Variants in RAI14 observed in about 807,000 individuals in gnomAD.
The protein encoded by RAI14 is retinoic acid induced 14, also known as ankycorbin.
A neutral mutation model predicts 115.4 loss-of-function variants in RAI14; 45 were observed. The observed-to-expected ratio is 0.39, with a 90% CI of 0.31 to 0.50. The LOEUF is 0.50. RAI14 is among the 20% of genes least tolerant of loss of function. The probability of loss-of-function intolerance (pLI) is 0.85; values close to 1 mark genes in which losing one functional copy is unlikely to be tolerated. For synonymous variants in RAI14, 371 were observed against 415.4 expected, an observed-to-expected ratio of 0.89 and a Z score of 1.30; for missense variants, 939 against 1,131.2, an observed-to-expected ratio of 0.83 and a Z score of 2.44.
rs370230131 is a variant in RAI14 at position 34,791,941 on chromosome 5, C to A, written c.168-3998C>A. 1.7e-3 allele frequency among the ~76,000 whole-genome samples: 260 copies of A among 152,312 alleles called. No individual in the cohort carries two copies. The highest frequency in any genetic ancestry group is 6.0e-3 in the African/African-American group (250 of 41,566). ...GTCATTCTCACTGGGCAAGCCCAAC[C>A]AGGAGCCAAAGCACAGGGCAGCCCA... On this transcript the variant is annotated intron_variant, in intron 3 of 17. Transcript: ENST00000265109. This position sits in a 1 kb window ranked among gnomAD's most constrained non-coding sequence, Gnocchi z 5.4.
chr5:34,797,313 C>G (rs904884148), intron 4 of RAI14, among the ~76,000 whole-genome samples: 1 of 151,950 alleles, frequency 6.6e-6, no homozygotes, highest in African/African-American at 2.4e-5. Flanking sequence ...GAGGGATCAG[C>G]CAGGTATTGC....
At chr5:34,758,554 CTT>C (rs1300580526) in intron 3 of RAI14, among the ~76,000 whole-genome samples, 2 of 152,068 alleles carry the variant, frequency 1.3e-5, no homozygotes, top group Non-Finnish European at 2.9e-5. Context: ...AACTTTGTCA[CTT>C]TTTCTTGATG....
intron 1 of RAI14, among the ~76,000 whole-genome samples, chr5:34,683,828 C>T (rs1195554054): frequency 6.6e-6 from 1 of 151,956 alleles, no homozygotes; most frequent in South Asian, 2.1e-4. Context: ...CCCGGGTTCA[C>T]GCCATTCTCC....
At chr5:34,692,937 G>A (rs539815130) in intron 2 of RAI14, among the ~76,000 whole-genome samples, 1 of 152,252 alleles carries the variant, frequency 6.6e-6, no homozygotes, top group Admixed American at 6.5e-5. Context: ...GGCTGCGAGG[G>A]CGAATCTGTT....
chr5:34,739,850 T>C (rs968332533), intron 2 of RAI14, among the ~76,000 whole-genome samples: 3 of 151,678 alleles, frequency 2.0e-5, no homozygotes, highest in African/African-American at 2.4e-5. Flanking sequence ...TCACCTGAGG[T>C]CAGGAGTTCA....
At chr5:34,739,344 G>A (rs930882352) in intron 2 of RAI14, among the ~76,000 whole-genome samples, 2 of 152,116 alleles carry the variant, frequency 1.3e-5, no homozygotes, top group Non-Finnish European at 2.9e-5. Flanking sequence ...GCACCCAGGT[G>A]GTCTGGCTTC....
rs1430247079 is a variant in RAI14, at chr5:34,830,894, C to G, written c.*129C>G. The stretch of plus-strand genomic sequence containing the variant: ...GGCCTAGCGTAGCTTCTTCCCTTTC[C>G]AAAGGTTTCTGAGGACTTCTCCCAG... On this transcript the variant is annotated 3_prime_UTR_variant, in exon 18 of 18. Transcript: ENST00000265109. 2.0e-6 allele frequency: 3 copies of G among 1,474,076 alleles called. No individual in the cohort carries two copies. Among genetic ancestry groups the G allele is most frequent in the African/African-American group, 2.8e-5 (2 of 70,784 alleles). The allele number at this position is 1,474,076 out of a possible 1,614,324, so 91.3% of individuals were successfully genotyped here.
rs143172001 is a variant in RAI14 at position 34,674,871 on chromosome 5, G to A, written c.-48-12001G>A. On this transcript the variant is annotated intron_variant, in intron 1 of 17. Transcript: ENST00000265109. ...TCCAAAGTGCTGGGATTACAGGCAT[G>A]AGCCACCATGCTCAGACTTCATTGG... Among the ~76,000 whole-genome samples the A allele has an allele frequency of 4.3e-3, 650 of 151,588 alleles. 6 individuals are homozygous for A. The highest frequency in any genetic ancestry group is 0.015 in the African/African-American group (613 of 41,294).
rs561079313 is a variant in RAI14, at chr5:34,687,857, G to T, written c.36+902G>T. On this transcript the variant is annotated intron_variant, in intron 2 of 17. Transcript: ENST00000265109. The stretch of plus-strand genomic sequence containing the variant: ...CAGCTGCATTTTTGCAATAAATGGA[G>T]GCTGTGTCTTTTATGGCTGATATGT... The T allele has an allele frequency of 2.5e-6, 3 of 1,183,518 alleles. No individual in the cohort carries two copies. The South Asian group carries it at 4.3e-5, about 17-fold the overall frequency. 73.3% of individuals were successfully genotyped at this position (1,183,518 alleles called of 1,614,324 possible). A position where few individuals can be genotyped will look rare whatever the true frequency, so the allele number is the denominator to read the frequency against.
intron 6 of RAI14, among the ~76,000 whole-genome samples, chr5:34,808,297 G>A (rs942559446): frequency 1.3e-5 from 2 of 152,214 alleles, no homozygotes; most frequent in African/African-American, 4.8e-5. Flanking sequence ...TTACACATGT[G>A]TTTTATTGCT....
chr5:34,770,285 A>G (rs2150129313), intron 3 of RAI14, among the ~76,000 whole-genome samples: 1 of 152,364 alleles, frequency 6.6e-6, no homozygotes, highest in African/African-American at 2.4e-5. Flanking sequence ...TCTCCTAAGA[A>G]TGTAAATTAC....
intron 2 of RAI14, among the ~76,000 whole-genome samples, chr5:34,722,252 TA>T (rs1477733324): frequency 1.3e-5 from 2 of 148,448 alleles, no homozygotes; most frequent in Non-Finnish European, 3.0e-5. Context: ...GGGTGGGCCC[TA>T]ATCTAGTATG....
At chr5:34,763,065 T>A (rs1232655229) in intron 3 of RAI14, among the ~76,000 whole-genome samples, 1 of 152,102 alleles carries the variant, frequency 6.6e-6, no homozygotes, top group African/African-American at 2.4e-5. Flanking sequence ...TATTTTTAGA[T>A]GACTCTGTGG....
intron 3 of RAI14, among the ~76,000 whole-genome samples, chr5:34,765,816 C>A (rs2150117189): frequency 6.6e-6 from 1 of 152,312 alleles, no homozygotes; most frequent in Middle Eastern, 3.4e-3. Flanking sequence ...GGCAGCCTCT[C>A]CCACCACAGG....
In RAI14 at chr5:34,698,068, CCCTCCCTTTCCT is replaced by C. The variant is rs1424790083; in HGVS notation, c.36+11120_36+11131del. ...TCCCTTCCCCACCCCTCCCCTTTCTCCCTCCCTTTCCTCCTCCCCTCCTCCCCTTCCCTCCCT... is the reference window on the plus strand; with the variant it reads ...TCCCTTCCCCACCCCTCCCCTTTCTCCCTCCCCTCCTCCCCTTCCCTCCCT... On this transcript the variant is annotated intron_variant, in intron 2 of 17. Coordinates refer to ENST00000265109, the MANE Select transcript of RAI14 (RefSeq NM_015577.3). Among the ~76,000 whole-genome samples, 3 of 87,998 alleles carry C rather than the reference CCCTCCCTTTCCT, an allele frequency of 3.4e-5. No homozygotes were observed. The Admixed American group carries it at 3.8e-4, about 11-fold the overall frequency. 57.7% of individuals were successfully genotyped at this position (87,998 alleles called of 152,430 possible). A position where few individuals can be genotyped will look rare whatever the true frequency, so the allele number is the denominator to read the frequency against.
In RAI14 at chr5:34,814,617, C is replaced by T. The variant is rs200561714; in HGVS notation, c.887C>T (p.Ser296Leu). 834 of 1,613,374 alleles carry T rather than the reference C, an allele frequency of 5.2e-4. 1 individual carries two copies. Among genetic ancestry groups the T allele is most frequent in the Non-Finnish European group, 6.3e-4 (740 of 1,179,558 alleles). The change falls in exon 12 of 18, where the codon TCG (serine) becomes TTG (leucine). Residue 296 changes from serine (S) to leucine (L), a missense_variant. By Grantham distance (145) the Ser-to-Leu change is moderately radical. Transcript: ENST00000265109. Reference protein sequence around the residue: ...SDVSSPRSITSTPLSGKESVF... With the variant: ...SDVSSPRSITLTPLSGKESVF... ...GTCTCTTCCCCAAGATCAATAACTTCGACTCCACTATCGGGAAAGGAATCG... is the reference window on the plus strand; with the variant it reads ...GTCTCTTCCCCAAGATCAATAACTTTGACTCCACTATCGGGAAAGGAATCG...
At chr5:34,671,001 AT>A (rs1038633551) in intron 1 of RAI14, among the ~76,000 whole-genome samples, 1 of 152,188 alleles carries the variant, frequency 6.6e-6, no homozygotes, top group South Asian at 2.1e-4. Flanking sequence ...CAGGGTAATA[AT>A]TTTTTGTTTT....
intron 3 of RAI14, among the ~76,000 whole-genome samples, chr5:34,775,699 A>G (rs1187606741): frequency 6.6e-6 from 1 of 152,310 alleles, no homozygotes; most frequent in South Asian, 2.1e-4. Flanking sequence ...CAAAACTACA[A>G]TGAGCTAACT....
intron 7 of RAI14, among the ~76,000 whole-genome samples, chr5:34,810,497 A>G (rs977112364): frequency 6.6e-6 from 1 of 152,222 alleles, no homozygotes; most frequent in Admixed American, 6.5e-5. Flanking sequence ...AGTAACAGAC[A>G]TAGGCTCTTA....
Sources: gnomAD v4.1 joint callset for allele counts (sites outside exome capture counted in the v4.1 genomes callset) on GRCh38, gnomAD v4.1.1 for gene constraint, Gnocchi (gnomAD v3.1) non-coding constraint, MANE v1.5 for transcripts, NCBI Gene and HGNC (gene_info 2026-07-23, HGNC 2026-07-21) for gene names.